The following ZNF93 variants were observed in gnomAD, a reference collection of about 807,000 sequenced individuals.
ZNF93 encodes the protein zinc finger protein 505.
A neutral mutation model predicts 45.0 loss-of-function variants in ZNF93; 29 were observed. The ratio of observed to expected loss-of-function variants is 0.64; its 90% CI spans 0.48 to 0.88. ZNF93 has a LOEUF of 0.88. ZNF93 is among the 40% of genes least tolerant of loss of function. ZNF93 has a pLI of 0.00. For synonymous variants in ZNF93, 223 were observed against 244.6 expected (o/e 0.91, Z 0.82); for missense variants, 578 against 724.0 (o/e 0.80, Z 2.31).
At position 19,934,158 on chromosome 19, in the gene ZNF93, A is replaced by G. The variant is rs746835146; in HGVS notation, c.1203A>G (p.Glu401=). The G allele has an allele frequency of 6.2e-7, 1 of 1,611,696 alleles. No individual in the cohort carries two copies. The highest frequency in any genetic ancestry group is 2.3e-5 in the East Asian group (1 of 44,400). The change falls in exon 4 of 4, where the codon GAA becomes GAG. Residue 401 remains glutamate, a synonymous_variant. Coordinates refer to ENST00000343769, the MANE Select transcript of ZNF93 (RefSeq NM_031218.4). ...GAGAGAAGCCCTACAAATGTGAAGA[A>G]TGTGGCAAAGCCTTTAAGTACTCCT... ...HTGEKPYKCE[E]CGKAFKYSST...
rs71340308 is a variant in ZNF93 at position 19,931,169 on chromosome 19, G to GTATT, written c.227-1995_227-1992dup. Among the ~76,000 whole-genome samples, 23 of 148,854 alleles carry GTATT rather than the reference G, an allele frequency of 1.5e-4. No homozygotes were observed. In the South Asian group the frequency reaches 1.7e-3, roughly 11 times the overall value. ...TTTATTTATATATATATTTATATTTGTATTTATTTATTTATTTATTTTATT... is the reference window on the plus strand; with the variant it reads ...TTTATTTATATATATATTTATATTTGTATTTATTTATTTATTTATTTATTTTATT... On this transcript the variant is annotated intron_variant, in intron 3 of 3. Transcript: ENST00000343769.
chr19:19,903,927 C>T (rs1043298623), intron 1 of ZNF93, among the ~76,000 whole-genome samples: 7 of 151,428 alleles, frequency 4.6e-5, no homozygotes, highest in African/African-American at 1.5e-4. Flanking sequence ...AAAAACTAGG[C>T]GGGCGCTTGT....
intron 3 of ZNF93, among the ~76,000 whole-genome samples, chr19:19,919,324 G>A (rs1411337669): frequency 6.6e-6 from 1 of 152,036 alleles, no homozygotes; most frequent in Non-Finnish European, 1.5e-5. Context: ...CTCTGTTTTG[G>A]TACCAGTACC....
chr19:19,929,176 A>AT (rs145996550), intron 3 of ZNF93, among the ~76,000 whole-genome samples: 9,389 of 152,212 alleles, frequency 0.062, 400 homozygotes, highest in South Asian at 0.11. Flanking sequence ...CTCTTACCAT[A>AT]TAATATGTCC....
chr19:19,910,438 TA>T lies in ZNF93; in HGVS notation c.4-4840del, dbSNP rs568820404. ...ACCATAATAATATATATGTAATCAA[TA>T]ATCGATGTTATTTCTGTAAATAAAT... is the stretch of plus-strand genomic sequence containing the variant. On this transcript the variant is annotated intron_variant, in intron 1 of 3. Coordinates refer to ENST00000343769, the MANE Select transcript of ZNF93 (RefSeq NM_031218.4). 2.0e-3 allele frequency among the ~76,000 whole-genome samples: 307 copies of T among 152,292 alleles called. 1 individual carries two copies. Among genetic ancestry groups the T allele is most frequent in the African/African-American group, 7.2e-3 (298 of 41,568 alleles).
rs141568236 is a variant in ZNF93, at chr19:19,925,219, G to A, written c.227-7963G>A. 2.9e-3 allele frequency among the ~76,000 whole-genome samples: 441 copies of A among 152,266 alleles called. 2 individuals carry two copies. Among genetic ancestry groups the A allele is most frequent in the Non-Finnish European group, 4.7e-3 (322 of 68,014 alleles). ...AAGGCCTCCCTTCTGAATAGAACAC[G>A]TCCAATCTTCAGCTTTAACAGCATT... is the stretch of plus-strand genomic sequence containing the variant. On this transcript the variant is annotated intron_variant, in intron 3 of 3. Transcript: ENST00000343769.
rs2063387129 is a variant in ZNF93 at position 19,934,612 on chromosome 19, A to G, written c.1657A>G (p.Thr553Ala). The G allele has an allele frequency of 6.8e-6, 11 of 1,613,794 alleles. No homozygotes were observed. The East Asian group carries it at 2.5e-4, about 36-fold the overall frequency. The change falls in exon 4 of 4, where the codon ACT becomes GCT. Residue 553 changes from threonine (T) to alanine (A), a missense_variant. Thr to Ala is a moderately conservative substitution (Grantham distance 58). This residue lies in a region of ZNF93 where 119 missense variants were observed against 123.1 expected (regional missense o/e 0.97). Transcript: ENST00000343769. Reference protein sequence around the residue: ...GKAFHLSTHLTTHKILHTGEK... With the variant: ...GKAFHLSTHLATHKILHTGEK... ...AGCTTTTCACCTATCCACACACCTT[A>G]CTACACATAAGATACTTCATACTGG...
chr19:19,931,996 G>C (rs1387264531), intron 3 of ZNF93: 1 of 383,688 alleles, frequency 2.6e-6, no homozygotes, highest in Non-Finnish European at 5.1e-6. Flanking sequence ...ATTTTATATG[G>C]TGTATCTACA....
Position 19,916,570 on chromosome 19 carries a change from C to T in ZNF93, c.141C>T (p.Val47=). 6.2e-7 allele frequency: 1 copy of T among 1,612,012 alleles called. No homozygotes were observed. The highest frequency in any genetic ancestry group is 8.5e-7 in the Non-Finnish European group (1 of 1,179,176). The change falls in exon 3 of 4, where the codon GTC becomes GTT. Residue 47 remains valine (V), a synonymous_variant. Coordinates refer to ENST00000343769, the MANE Select transcript of ZNF93 (RefSeq NM_031218.4). Reference sequence around the variant, plus strand: ...TTCTTAACAAAACAGGTATTGTTGTCTCTAAGCCAGACCTGATCGCCCATC... The same window carrying T: ...TTCTTAACAAAACAGGTATTGTTGTTTCTAAGCCAGACCTGATCGCCCATC... ...YSNLVFLGIV[V]SKPDLIAHLE...
intron 3 of ZNF93, chr19:19,932,458 T>C (rs1002912750): frequency 6.6e-6 from 1 of 152,204 alleles, no homozygotes; most frequent in Admixed American, 6.5e-5. Flanking sequence ...CTCTGTCTTT[T>C]TGCGGCTGGG....
intron 3 of ZNF93, among the ~76,000 whole-genome samples, chr19:19,920,316 G>A (rs1334666496): frequency 6.6e-6 from 1 of 152,172 alleles, no homozygotes; most frequent in African/African-American, 2.4e-5. Flanking sequence ...TGATCATGGT[G>A]GATAAGCTTT....
In ZNF93 at chr19:19,901,087, A is replaced by G. The variant is rs2063268955; in HGVS notation, c.-2A>G. ...GACACCAGGACCCCTGGAAGCCTAG[A>G]AATGGTGAGAGTGCCGGTCCGACAT... is the stretch of plus-strand genomic sequence containing the variant. On this transcript the variant is annotated 5_prime_UTR_variant, in exon 1 of 4. Transcript: ENST00000343769. 3 of 1,613,428 alleles carry G rather than the reference A, an allele frequency of 1.9e-6. No individual in the cohort carries two copies. Among genetic ancestry groups the G allele is most frequent in the Non-Finnish European group, 2.5e-6 (3 of 1,179,636 alleles).
intron 3 of ZNF93, among the ~76,000 whole-genome samples, chr19:19,929,737 G>C (rs1235722818): frequency 1.3e-5 from 2 of 151,616 alleles, no homozygotes; most frequent in Non-Finnish European, 2.9e-5. Flanking sequence ...AGGAGATCGA[G>C]ACCATCCCGG....
chr19:19,906,577 G>A (rs949573357), intron 1 of ZNF93, among the ~76,000 whole-genome samples: 3 of 151,992 alleles, frequency 2.0e-5, no homozygotes, highest in East Asian at 1.9e-4. Flanking sequence ...GTTGCTTTTC[G>A]TAGCTTCATC....
At chr19:19,907,120 A>AT (rs1449490914) in intron 1 of ZNF93, among the ~76,000 whole-genome samples, 1 of 151,452 alleles carries the variant, frequency 6.6e-6, no homozygotes, top group East Asian at 1.9e-4. Flanking sequence ...ACTTTTTGTA[A>AT]TTTTTTCTGA....
At chr19:19,924,170 C>A (rs1356203155) in intron 3 of ZNF93, among the ~76,000 whole-genome samples, 1 of 152,100 alleles carries the variant, frequency 6.6e-6, no homozygotes, top group Non-Finnish European at 1.5e-5. Flanking sequence ...TCACTGCAAC[C>A]TTTGCTTCCT....
At chr19:19,907,541 T>A (rs2063296256) in intron 1 of ZNF93, among the ~76,000 whole-genome samples, 1 of 135,752 alleles carries the variant, frequency 7.4e-6, no homozygotes. Context: ...TTAACAGCAT[T>A]TTCTTTTCTT....
intron 1 of ZNF93, among the ~76,000 whole-genome samples, chr19:19,911,286 A>G (rs2063307052): frequency 6.6e-6 from 1 of 152,174 alleles, no homozygotes; most frequent in Non-Finnish European, 1.5e-5. Context: ...ATCTCTCACA[A>G]TCACCCAGGT....
At chr19:19,917,001 A>G (rs572679175) in intron 3 of ZNF93, among the ~76,000 whole-genome samples, 17 of 152,162 alleles carry the variant, frequency 1.1e-4, no homozygotes, top group Middle Eastern at 3.4e-3. Context: ...ATTTTGAAAA[A>G]CTAAAACTAC....
Sources: allele counts gnomAD v4.1 joint callset (sites outside exome capture counted in the v4.1 genomes callset), GRCh38; gene constraint gnomAD v4.1.1; regional missense constraint gnomAD v4.1.1; transcripts MANE v1.5; gene names NCBI Gene and HGNC (gene_info 2026-07-23, HGNC 2026-07-21).